TIPARP: variants seen among roughly 807,000 people sequenced by gnomAD.
TIPARP encodes protein mono-ADP-ribosyltransferase TIPARP.
TIPARP carries 12 observed loss-of-function variants against 56.5 expected under a neutral mutation model. The observed-to-expected ratio is 0.21, with a 90% CI of 0.14 to 0.34. TIPARP has a LOEUF of 0.34. TIPARP is among the 10% of genes least tolerant of loss of function. The pLI, the probability that TIPARP is intolerant of heterozygous loss-of-function variation, is 1.00. For synonymous variants in TIPARP, 296 were observed against 265.7 expected (o/e 1.11, Z -1.11); for missense variants, 604 against 781.6 (o/e 0.77, Z 2.71).
intron 2 of TIPARP, among the ~76,000 whole-genome samples, chr3:156,692,318 A>G (rs1478464243): frequency 6.6e-6 from 1 of 152,188 alleles, no homozygotes; most frequent in Non-Finnish European, 1.5e-5. Context: ...ATTTAGGCAT[A>G]GGAGTTCCAG....
At chr3:156,690,524 A>T (rs1722543942) in intron 2 of TIPARP, among the ~76,000 whole-genome samples, 2 of 152,104 alleles carry the variant, frequency 1.3e-5, no homozygotes, top group Non-Finnish European at 2.9e-5. Context: ...CAGCATTTTA[A>T]ATTAGTGTTG....
intron 4 of TIPARP, among the ~76,000 whole-genome samples, chr3:156,698,288 T>C (rs1722767861): frequency 6.6e-6 from 1 of 152,218 alleles, no homozygotes; most frequent in South Asian, 2.1e-4. Context: ...TCCAGAAATC[T>C]AGCTGAGATC....
At chr3:156,694,227 A>G in intron 3 of TIPARP, 39 bp downstream of exon 3, 2 of 1,536,846 alleles carry the variant, frequency 1.3e-6, no homozygotes, top group African/African-American at 1.4e-5. Flanking sequence ...CATTTTTCAA[A>G]TTTATTTTTT....
At chr3:156,694,496 T>C (rs540751201) in intron 3 of TIPARP, among the ~76,000 whole-genome samples, 2 of 152,362 alleles carry the variant, frequency 1.3e-5, no homozygotes, top group South Asian at 2.1e-4. Flanking sequence ...GGAGTAATTT[T>C]CACGACATGA....
At chr3:156,686,816 C>A (rs1722441357) in intron 2 of TIPARP, among the ~76,000 whole-genome samples, 1 of 151,982 alleles carries the variant, frequency 6.6e-6, no homozygotes, top group Non-Finnish European at 1.5e-5. Flanking sequence ...TATTTGAAAG[C>A]AACTTATTTT....
rs1722902929 is a variant in TIPARP at position 156,703,532 on chromosome 3, T to G, written c.1356T>G (p.Thr452=). 1 of 1,614,096 alleles carries G rather than the reference T, an allele frequency of 6.2e-7. No individual in the cohort carries two copies. Among genetic ancestry groups the G allele is most frequent in the African/African-American group, 1.3e-5 (1 of 74,926 alleles). ...GVTSANFYPE[T]WVYMHPSQDF... ...CTTCAGCAAACTTTTACCCTGAAACTTGGGTTTATATGCATCCATCTCAGG... is the reference window on the plus strand; with the variant it reads ...CTTCAGCAAACTTTTACCCTGAAACGTGGGTTTATATGCATCCATCTCAGG... Residue 452 remains threonine, a synonymous_variant, in exon 5 of 6, where the codon ACT becomes ACG. Transcript: ENST00000295924.
At chr3:156,703,385 T>G in intron 4 of TIPARP, 39 bp from the exon 5 acceptor site, 1 of 1,600,452 alleles carries the variant, frequency 6.2e-7, no homozygotes. Flanking sequence ...TACTTATTTC[T>G]TAATGTTTTA....
chr3:156,694,107 C>G lies in TIPARP; in HGVS notation c.1005C>G (p.Pro335=), dbSNP rs753005757. 36 of 1,613,438 alleles carry G rather than the reference C, an allele frequency of 2.2e-5. No homozygotes were observed. Among genetic ancestry groups the G allele is most frequent in the Non-Finnish European group, 3.0e-5 (35 of 1,179,738 alleles). ...FDQLRRLSTP[P]SSNVNSIYHT... ...AACTACGAAGGCTGTCCACACCACC[C>G]TCTAGCAATGTCAACTCTATTTACC... is the stretch of plus-strand genomic sequence containing the variant. The change falls in exon 3 of 6, where the codon CCC becomes CCG. Residue 335 remains proline, a synonymous_variant. Coordinates refer to ENST00000295924, the MANE Select transcript of TIPARP (RefSeq NM_015508.5).
intron 4 of TIPARP, among the ~76,000 whole-genome samples, chr3:156,700,887 CT>C (rs1044851722): frequency 3.9e-5 from 6 of 152,194 alleles, no homozygotes; most frequent in Admixed American, 3.3e-4. Context: ...GCTCAATTCC[CT>C]TTGACTCCCT....
At chr3:156,703,194 T>C (rs1357064891) in intron 4 of TIPARP, among the ~76,000 whole-genome samples, 1 of 152,228 alleles carries the variant, frequency 6.6e-6, no homozygotes, top group African/African-American at 2.4e-5. Flanking sequence ...TCCAGAGTTT[T>C]CTTCACAGGA....
At chr3:156,680,110 A>G (rs965160238) in intron 2 of TIPARP, among the ~76,000 whole-genome samples, 1 of 152,190 alleles carries the variant, frequency 6.6e-6, no homozygotes, top group East Asian at 1.9e-4. Context: ...GTGCTGAACA[A>G]GAAGAGAAAC....
At chr3:156,704,246 A>G (rs1722924697) in intron 5 of TIPARP, among the ~76,000 whole-genome samples, 1 of 152,286 alleles carries the variant, frequency 6.6e-6, no homozygotes, top group South Asian at 2.1e-4. Context: ...GGCTATTATG[A>G]TATGGTGCTG....
chr3:156,688,143 T>A (rs1425480832), intron 2 of TIPARP, among the ~76,000 whole-genome samples: 1 of 151,998 alleles, frequency 6.6e-6, no homozygotes, highest in African/African-American at 2.4e-5. Context: ...AATCTTAGCT[T>A]TTTGGAAGGC....
intron 2 of TIPARP, among the ~76,000 whole-genome samples, chr3:156,684,518 C>T (rs570195781): frequency 5.8e-4 from 89 of 152,250 alleles, no homozygotes; most frequent in African/African-American, 1.9e-3. Flanking sequence ...CTGCAACCTC[C>T]GCCTCCTGGG....
rs1273525186 is a variant in TIPARP at position 156,706,270 on chromosome 3, C to T, written c.*1139C>T. 2 of 152,616 alleles carry T rather than the reference C, an allele frequency of 1.3e-5. No homozygotes were observed. The highest frequency in any genetic ancestry group is 2.9e-5 in the Non-Finnish European group (2 of 68,042). 9.5% of individuals were successfully genotyped at this position (152,616 alleles called of 1,614,324 possible). ...TTTCCTCAGTTCAGAGAGGTAGCAACTAGGTAAACTCCTTATAAAAAGCAA... is the reference window on the plus strand; with the variant it reads ...TTTCCTCAGTTCAGAGAGGTAGCAATTAGGTAAACTCCTTATAAAAAGCAA... On this transcript the variant is annotated 3_prime_UTR_variant, in exon 6 of 6. Transcript: ENST00000295924.
intron 4 of TIPARP, 72 bp from the exon 5 acceptor site, chr3:156,703,352 A>C: frequency 8.9e-6 from 13 of 1,452,950 alleles, no homozygotes; most frequent in African/African-American, 1.4e-5. Flanking sequence ...AGACACTGAT[A>C]TAGATCACTA....
chr3:156,674,969 C>G (rs1272002666), intron 1 of TIPARP, 173 bp downstream of exon 1: 1 of 152,400 alleles, frequency 6.6e-6, no homozygotes. Flanking sequence ...ACTCGGGTCC[C>G]GTCAGCATGA....
chr3:156,678,131 A>G lies in TIPARP; in HGVS notation c.434A>G (p.Glu145Gly), dbSNP rs1435480214. 5.6e-6 allele frequency: 9 copies of G among 1,613,914 alleles called. No homozygotes were observed. The highest frequency in any genetic ancestry group is 6.8e-6 in the Non-Finnish European group (8 of 1,179,994). Residue 145 changes from glutamate to glycine, a missense_variant, in exon 2 of 6, where the codon GAA (glutamate) becomes GGA (glycine). Glu to Gly is a moderately conservative substitution (Grantham distance 98). Coordinates refer to ENST00000295924, the MANE Select transcript of TIPARP (RefSeq NM_015508.5). ...ATCCAAGATCACAGCTTTCCATCAG[A>G]AACCCTCAGTGGGACGGTGGCAGAT... ...VPIQDHSFPS[E>G]TLSGTVADST...
In TIPARP at chr3:156,679,308, A is replaced by G. The variant is rs776863758; in HGVS notation, c.917+694A>G. Among the ~76,000 whole-genome samples, 74 of 152,342 alleles carry G rather than the reference A, an allele frequency of 4.9e-4. No homozygotes were observed. The Middle Eastern group carries it at 0.014, about 28-fold the overall frequency. Reference sequence around the variant, plus strand: ...AATTATCCTTGAGTTTTGGTACACAAGATGTGTGTATACACATAACTCAGT... The same window carrying G: ...AATTATCCTTGAGTTTTGGTACACAGGATGTGTGTATACACATAACTCAGT... On this transcript the variant is annotated intron_variant, in intron 2 of 5. Transcript: ENST00000295924.
Sources: gnomAD v4.1 joint callset for allele counts (sites outside exome capture counted in the v4.1 genomes callset) on GRCh38, gnomAD v4.1.1 for gene constraint, MANE v1.5 for transcripts, NCBI Gene and HGNC (gene_info 2026-07-23, HGNC 2026-07-21) for gene names.